Variants in AKAP7 observed in about 807,000 individuals in gnomAD.
The protein encoded by AKAP7 is A kinase (PRKA) anchor protein 7.
Under a neutral mutation model 39.5 loss-of-function variants are expected in AKAP7, and 39 were observed. The observed-to-expected ratio is 0.99, with a 90% CI of 0.76 to 1.29. The LOEUF is 1.29. Among genes scored for constraint, AKAP7 ranks in the 50% most tolerant of loss-of-function variants. The probability of loss-of-function intolerance (pLI) is 0.00; values close to 1 mark genes in which losing one functional copy is unlikely to be tolerated. For missense variants in AKAP7, 414 were observed against 407.7 expected, an observed-to-expected ratio of 1.02 and a Z score of -0.13; for synonymous variants, 140 against 139.1, an observed-to-expected ratio of 1.01 and a Z score of -0.05.
At chr6:131,171,008 C>T (rs899258076) in intron 5 of AKAP7, among the ~76,000 whole-genome samples, 1 of 152,128 alleles carries the variant, frequency 6.6e-6, no homozygotes, top group African/African-American at 2.4e-5. Context: ...AGTGACACAG[C>T]CGCATTCATT....
chr6:131,176,181 G>A (rs919669104), intron 5 of AKAP7, among the ~76,000 whole-genome samples: 2 of 152,100 alleles, frequency 1.3e-5, no homozygotes, highest in African/African-American at 4.8e-5. Flanking sequence ...TGCATCACAT[G>A]TACATGTGGG....
At chr6:131,135,853 C>T in intron 1 of AKAP7, 71 bp downstream of exon 1, 1 of 1,221,570 alleles carries the variant, frequency 8.2e-7, no homozygotes, top group African/African-American at 1.6e-5. Context: ...CTGCTCTGCG[C>T]TCGAACTTTG....
intron 1 of AKAP7, among the ~76,000 whole-genome samples, chr6:131,143,265 G>A (rs1227522377): frequency 6.6e-6 from 1 of 151,690 alleles, no homozygotes; most frequent in East Asian, 1.9e-4. Flanking sequence ...CCCGTGTTGA[G>A]ATGTAATCCC....
intron 7 of AKAP7, among the ~76,000 whole-genome samples, chr6:131,245,056 GTAAT>G (rs1011625088): frequency 8.5e-5 from 13 of 152,078 alleles, no homozygotes; most frequent in African/African-American, 2.4e-4. Context: ...CTTTTTGCAG[GTAAT>G]TAAGAACAGG....
intron 7 of AKAP7, among the ~76,000 whole-genome samples, chr6:131,236,277 T>C (rs997683588): frequency 1.3e-5 from 2 of 152,312 alleles, no homozygotes; most frequent in African/African-American, 4.8e-5. Context: ...TCTGTTTTGG[T>C]ACCAGTACCA....
At chr6:131,182,877 A>T (rs996802970) in intron 5 of AKAP7, among the ~76,000 whole-genome samples, 3 of 152,178 alleles carry the variant, frequency 2.0e-5, no homozygotes, top group Non-Finnish European at 4.4e-5. Context: ...TATAACAAAG[A>T]ATTGTTGTAA....
chr6:131,186,940 T>C (rs895971120), intron 5 of AKAP7, among the ~76,000 whole-genome samples: 1 of 152,126 alleles, frequency 6.6e-6, no homozygotes, highest in African/African-American at 2.4e-5. Context: ...TATGTGAGGG[T>C]TTATTTTTGA....
intron 2 of AKAP7, among the ~76,000 whole-genome samples, chr6:131,146,465 T>TA (rs559697456): frequency 7.9e-5 from 12 of 151,672 alleles, no homozygotes; most frequent in South Asian, 2.1e-4. Context: ...ATAAATAAAT[T>TA]AAAAAAAAAT....
intron 6 of AKAP7, among the ~76,000 whole-genome samples, chr6:131,203,475 G>C (rs1807808680): frequency 6.6e-6 from 1 of 152,050 alleles, no homozygotes; most frequent in Admixed American, 6.6e-5. Context: ...TTGCATGTTA[G>C]GAGATTGGAC....
intron 7 of AKAP7, among the ~76,000 whole-genome samples, chr6:131,278,188 A>G (rs1377263169): frequency 6.6e-6 from 1 of 152,202 alleles, no homozygotes; most frequent in Non-Finnish European, 1.5e-5. Context: ...GAGGGAGAGA[A>G]CTGAGAAGCC....
chr6:131,220,626 T>C (rs1186002096), intron 7 of AKAP7, among the ~76,000 whole-genome samples: 1 of 152,248 alleles, frequency 6.6e-6, no homozygotes, highest in African/African-American at 2.4e-5. Context: ...GCTTCACAGA[T>C]ATTGCCTTAA....
At chr6:131,216,107 A>G (rs1585108517) in intron 6 of AKAP7, among the ~76,000 whole-genome samples, 1 of 152,244 alleles carries the variant, frequency 6.6e-6, no homozygotes, top group African/African-American at 2.4e-5. Flanking sequence ...TTCTATTACA[A>G]AAATGTTTCG....
At chr6:131,271,199 G>A (rs1049455652) in intron 7 of AKAP7, among the ~76,000 whole-genome samples, 4 of 152,086 alleles carry the variant, frequency 2.6e-5, no homozygotes, top group African/African-American at 4.8e-5. Flanking sequence ...TACTTACAAA[G>A]CTCTCGTATT....
chr6:131,206,681 C>A (rs977840408), intron 6 of AKAP7, among the ~76,000 whole-genome samples: 2 of 152,184 alleles, frequency 1.3e-5, no homozygotes, highest in Non-Finnish European at 2.9e-5. Context: ...GCATCCCTCC[C>A]TAACTGTGAG....
chr6:131,279,580 T>C (rs1815041588), intron 7 of AKAP7, among the ~76,000 whole-genome samples: 1 of 152,192 alleles, frequency 6.6e-6, no homozygotes, highest in African/African-American at 2.4e-5. Flanking sequence ...ATTAGCTTTT[T>C]GTAGGAAGAT....
chr6:131,243,346 T>TTC (rs1320850455), intron 7 of AKAP7, among the ~76,000 whole-genome samples: 1 of 152,182 alleles, frequency 6.6e-6, no homozygotes, highest in Admixed American at 6.5e-5. Flanking sequence ...TAAACGATAG[T>TTC]TCTGACAGTT....
At chr6:131,129,192 C>T in the AKAP7 span, among the ~76,000 whole-genome samples, 23 of 149,320 alleles carry the variant, frequency 1.5e-4, no homozygotes, top group Non-Finnish European at 3.1e-4. Flanking sequence ...GAGGCTGAGG[C>T]AGGAGAATTG....
intron 3 of AKAP7, among the ~76,000 whole-genome samples, chr6:131,162,137 C>A (rs1255316506): frequency 7.9e-5 from 12 of 152,064 alleles, no homozygotes; most frequent in Admixed American, 5.9e-4. Context: ...GGCTTCTTAC[C>A]CCTTCCGGAG....
At chr6:131,271,497 C>T (rs1814276279) in intron 7 of AKAP7, among the ~76,000 whole-genome samples, 1 of 152,044 alleles carries the variant, frequency 6.6e-6, no homozygotes, top group Non-Finnish European at 1.5e-5. Flanking sequence ...GTCTTCTAAT[C>T]ATGTTCTTCT....
Sources: allele counts gnomAD v4.1 joint callset (sites outside exome capture counted in the v4.1 genomes callset), GRCh38; gene constraint gnomAD v4.1.1; transcripts MANE v1.5; gene names NCBI Gene and HGNC (gene_info 2026-07-23, HGNC 2026-07-21).